Variants in ZNF92 observed in about 807,000 individuals in gnomAD.
The protein encoded by ZNF92 is zinc finger protein 92, also known as epididymis luminal protein 203.
A neutral mutation model predicts 12.4 loss-of-function variants in ZNF92; 11 were observed. The ratio of observed to expected loss-of-function variants is 0.89; its 90% confidence interval spans 0.56 to 1.47. ZNF92 has a LOEUF of 1.47. Ranked by LOEUF, ZNF92 falls within the 40% of genes most tolerant of loss-of-function variation. The pLI is 0.00. For synonymous variants in ZNF92, 206 were observed against 228.6 expected (o/e 0.90, Z 0.89); for missense variants, 622 against 681.0 (o/e 0.91, Z 0.96).
intron 3 of ZNF92, among the ~76,000 whole-genome samples, chr7:65,391,638 T>G (rs1385633696): frequency 6.6e-6 from 1 of 152,070 alleles, no homozygotes; most frequent in Non-Finnish European, 1.5e-5. Flanking sequence ...AAATAAAAAT[T>G]TTTTCTTTAT....
intron 1 of ZNF92, among the ~76,000 whole-genome samples, chr7:65,376,569 C>T (rs893541932): frequency 6.6e-6 from 1 of 152,072 alleles, no homozygotes; most frequent in Non-Finnish European, 1.5e-5. Context: ...GCCTTAGCCT[C>T]CTGAGTAGCT....
intron 1 of ZNF92, 143 bp downstream of exon 1, chr7:65,374,143 C>T: frequency 2.6e-6 from 3 of 1,161,318 alleles, no homozygotes; most frequent in Non-Finnish European, 2.5e-6. Context: ...GCTCGGCCCT[C>T]AGTCTCCTTC....
In ZNF92 at chr7:65,387,937, C is replaced by G; in HGVS notation, c.39C>G (p.Phe13Leu). 1 of 1,607,702 alleles carries G rather than the reference C, an allele frequency of 6.2e-7. No homozygotes were observed. The highest frequency in any genetic ancestry group is 8.5e-7 in the Non-Finnish European group (1 of 1,177,336). ...CATTTAGGGATGTGAAAATAGAATT[C>G]TCTCTAGAGGAATGGCAATGCCTGG... ...PLTFRDVKIE[F>L]SLEEWQCLDT... Residue 13 changes from phenylalanine to leucine, a missense_variant, in exon 2 of 4, where the codon TTC becomes TTG. Physicochemically the swap from Phe to Leu is conservative, Grantham distance 22. Transcript: ENST00000328747.
rs1793641805 is a variant in ZNF92, at chr7:65,388,964, A to T, written c.226+63A>T. 2.9e-6 allele frequency: 4 copies of T among 1,391,294 alleles called. No homozygotes were observed. In the Admixed American group the frequency reaches 8.0e-5, roughly 28 times the overall value. The allele number at this position is 1,391,294 out of a possible 1,614,324, so 86.2% of individuals were successfully genotyped here. A position where few individuals can be genotyped will look rare whatever the true frequency, so the allele number is the denominator to read the frequency against. ...AGGTCCAAAAGTCAAGGAGAAGGCC[A>T]GTCATTTTTTCTTAGTCGGAGTTTT... On this transcript the variant is annotated intron_variant, in intron 3 of 3. Coordinates refer to ENST00000328747, the MANE Select transcript of ZNF92 (RefSeq NM_152626.4).
chr7:65,387,503 A>G (rs554399764), intron 1 of ZNF92, among the ~76,000 whole-genome samples: 1 of 150,338 alleles, frequency 6.7e-6, no homozygotes, highest in Non-Finnish European at 1.5e-5. Context: ...TTTATTCCAG[A>G]TGTTCTGAAA....
At chr7:65,376,848 G>A (rs1793256057) in intron 1 of ZNF92, among the ~76,000 whole-genome samples, 1 of 152,052 alleles carries the variant, frequency 6.6e-6, no homozygotes, top group African/African-American at 2.4e-5. Context: ...TTCCATTTTG[G>A]CTGTAGAAAA....
intron 3 of ZNF92, among the ~76,000 whole-genome samples, chr7:65,392,857 C>A (rs1033421009): frequency 6.6e-6 from 1 of 151,824 alleles, no homozygotes; most frequent in African/African-American, 2.4e-5. Context: ...TGTTTGAGGC[C>A]AGCTTGGACA....
chr7:65,392,749 T>C (rs1420004694), intron 3 of ZNF92, among the ~76,000 whole-genome samples: 1 of 151,984 alleles, frequency 6.6e-6, no homozygotes, highest in East Asian at 1.9e-4. Flanking sequence ...TTGGTCAGGC[T>C]GTTCTCCACC....
intron 1 of ZNF92, among the ~76,000 whole-genome samples, chr7:65,385,403 G>A (rs1421433261): frequency 3.3e-5 from 5 of 152,056 alleles, no homozygotes; most frequent in Non-Finnish European, 7.4e-5. Flanking sequence ...TGCTTTAAGG[G>A]CCTCATGTGA....
chr7:65,374,033 G>T (rs1214210595), intron 1 of ZNF92, 33 bp downstream of exon 1: 1 of 1,613,914 alleles, frequency 6.2e-7, no homozygotes, highest in East Asian at 2.2e-5. Flanking sequence ...CCCGAGAGAG[G>T]GGGAGGGTCT....
chr7:65,382,215 C>A (rs1793439645), intron 1 of ZNF92, among the ~76,000 whole-genome samples: 1 of 151,914 alleles, frequency 6.6e-6, no homozygotes, highest in Non-Finnish European at 1.5e-5. Flanking sequence ...GACCGTCTTT[C>A]TGTCTTTGCA....
intron 3 of ZNF92, among the ~76,000 whole-genome samples, chr7:65,395,525 G>A (rs1018823583): frequency 1.3e-5 from 2 of 152,064 alleles, no homozygotes; most frequent in South Asian, 2.1e-4. Context: ...CTCATGCTGC[G>A]ATGTAATCCT....
chr7:65,399,233 A>G lies in ZNF92; in HGVS notation c.1119A>G (p.Glu373=), dbSNP rs747729975. The G allele has an allele frequency of 1.9e-6, 3 of 1,613,244 alleles. No individual in the cohort carries two copies. In the South Asian group the frequency reaches 3.3e-5, roughly 18 times the overall value. Residue 373 remains glutamate (E), a synonymous_variant, in exon 4 of 4, where the codon GAA becomes GAG. Coordinates refer to ENST00000328747, the MANE Select transcript of ZNF92 (RefSeq NM_152626.4). ...GAGAGAAACCCTACAAATGTGATGA[A>G]TGTGGCAAAGCCTTTAACCAGTCCT... ...HTGEKPYKCD[E]CGKAFNQSST... is the part of the protein sequence containing the mutation.
chr7:65,398,481 T>C lies in ZNF92; in HGVS notation c.367T>C (p.Cys123Arg). The change falls in exon 4 of 4, where the codon TGT (cysteine) becomes CGT (arginine). Residue 123 changes from cysteine (C) to arginine (R), a missense_variant. By Grantham distance (180) the Cys-to-Arg change is radical (BLOSUM62 -3). Transcript: ENST00000328747. ...LRKDHKSVDA[C>R]KVYKGGYNGL... Reference sequence around the variant, plus strand: ...AAAAGACCATAAAAGTGTGGATGCATGTAAGGTGTACAAAGGAGGTTATAA... The same window carrying C: ...AAAAGACCATAAAAGTGTGGATGCACGTAAGGTGTACAAAGGAGGTTATAA... 6.2e-7 allele frequency: 1 copy of C among 1,613,442 alleles called. No homozygotes were observed. Among genetic ancestry groups the C allele is most frequent in the Non-Finnish European group, 8.5e-7 (1 of 1,179,730 alleles).
In ZNF92 at chr7:65,375,982, G is replaced by A. The variant is rs549755906; in HGVS notation, c.3+1982G>A. On this transcript the variant is annotated intron_variant, in intron 1 of 3. Coordinates refer to ENST00000328747, the MANE Select transcript of ZNF92 (RefSeq NM_152626.4). ...GGCTGGAGTGCAGTGGCGTGGTCTCGGCTCACTGCAACCTCTGCCTTCTGG... is the reference window on the plus strand; with the variant it reads ...GGCTGGAGTGCAGTGGCGTGGTCTCAGCTCACTGCAACCTCTGCCTTCTGG... Among the ~76,000 whole-genome samples, 8 of 151,242 alleles carry A rather than the reference G, an allele frequency of 5.3e-5. No individual in the cohort carries two copies. The East Asian group carries it at 1.2e-3, about 23-fold the overall frequency.
chr7:65,382,441 T>G (rs959176784), intron 1 of ZNF92, among the ~76,000 whole-genome samples: 1 of 152,072 alleles, frequency 6.6e-6, no homozygotes, highest in Admixed American at 6.6e-5. Context: ...TGTCTCAGGC[T>G]TCCAGTCAAC....
chr7:65,388,697 G>T (rs1298764050), intron 2 of ZNF92, 109 bp from the exon 3 acceptor site: 2 of 824,136 alleles, frequency 2.4e-6, no homozygotes, highest in East Asian at 4.4e-5. Context: ...TAGTATTTGG[G>T]GATTAATTTA....
In ZNF92 at chr7:65,382,728, C is replaced by G. The variant is rs1159628004; in HGVS notation, c.4-5174C>G. 2.0e-5 allele frequency among the ~76,000 whole-genome samples: 3 copies of G among 152,086 alleles called. No homozygotes were observed. The East Asian group carries it at 5.8e-4, about 29-fold the overall frequency. On this transcript the variant is annotated intron_variant, in intron 1 of 3. Coordinates refer to ENST00000328747, the MANE Select transcript of ZNF92 (RefSeq NM_152626.4). ...GAATCTCCACTTTCCCCTTCCTTCTCTTTTTAAAATGCCCACAAATGTGCA... is the reference window on the plus strand; with the variant it reads ...GAATCTCCACTTTCCCCTTCCTTCTGTTTTTAAAATGCCCACAAATGTGCA...
chr7:65,379,014 C>T (rs1793331107), intron 1 of ZNF92, among the ~76,000 whole-genome samples: 1 of 151,830 alleles, frequency 6.6e-6, no homozygotes, highest in Non-Finnish European at 1.5e-5. Context: ...TACATTTTTT[C>T]CATTTGACTT....
Sources: gnomAD v4.1 joint callset for allele counts (sites outside exome capture counted in the v4.1 genomes callset) on GRCh38, gnomAD v4.1.1 for gene constraint, MANE v1.5 for transcripts, NCBI Gene and HGNC (gene_info 2026-07-23, HGNC 2026-07-21) for gene names.